The following RRP15 variants were observed in gnomAD, a reference collection of about 807,000 sequenced individuals.
RRP15 encodes the protein ribosomal RNA processing 15 homolog, also known as RRP15-like protein.
RRP15 carries 18 observed loss-of-function variants against 27.1 expected under a neutral mutation model. The ratio of observed to expected loss-of-function variants is 0.66; its 90% CI spans 0.46 to 0.98. RRP15 has a LOEUF of 0.98. RRP15 is among the 50% of genes least tolerant of loss of function. RRP15 has a pLI of 0.00. For missense variants in RRP15, 359 were observed against 337.8 expected (o/e 1.06, Z -0.49); for synonymous variants, 107 against 109.4 (o/e 0.98, Z 0.14).
chr1:218,285,619 T>G (rs112538584), intron 1 of RRP15, among the ~76,000 whole-genome samples, 164 bp downstream of exon 1: 1 of 152,080 alleles, frequency 6.6e-6, no homozygotes, highest in African/African-American at 2.4e-5. Context: ...GGAAGTCGTG[T>G]TCAGAGAAGT....
chr1:218,307,705 A>G lies in RRP15; in HGVS notation c.705+73A>G. ...AACTAGTCTTGAGATGGAAAACCAG[A>G]CTATAGAATTACAGAGTTTTGTGTT... is the stretch of plus-strand genomic sequence containing the variant. On this transcript the variant is annotated intron_variant, in intron 4 of 4. Coordinates refer to ENST00000366932, the MANE Select transcript of RRP15 (RefSeq NM_016052.4). 3.0e-6 allele frequency: 3 copies of G among 991,424 alleles called. No homozygotes were observed. In the South Asian group the frequency reaches 4.5e-5, roughly 15 times the overall value. The allele number at this position is 991,424 out of a possible 1,614,324, so 61.4% of individuals were successfully genotyped here.
chr1:218,329,151 A>G (rs533091086), intron 4 of RRP15, among the ~76,000 whole-genome samples: 41 of 143,960 alleles, frequency 2.8e-4, no homozygotes, highest in Middle Eastern at 7.5e-3. Context: ...CTATAATCCC[A>G]GCACTTTGGG....
chr1:218,288,739 G>C (rs1655589073), intron 1 of RRP15, among the ~76,000 whole-genome samples: 1 of 152,094 alleles, frequency 6.6e-6, no homozygotes, highest in African/African-American at 2.4e-5. Flanking sequence ...AAAGGATTGG[G>C]GACAAGGAGA....
In RRP15 at chr1:218,328,914, T is replaced by C. The variant is rs913840735; in HGVS notation, c.706-2034T>C. On this transcript the variant is annotated intron_variant, in intron 4 of 4. Transcript: ENST00000366932. The stretch of plus-strand genomic sequence containing the variant: ...CTAACATAGAGGCTTCACACTGAGA[T>C]TGTACTTGTTCATATGTAAACTCAA... Among the ~76,000 whole-genome samples the C allele has an allele frequency of 2.6e-5, 4 of 152,124 alleles. No homozygotes were observed. In the East Asian group the frequency reaches 7.7e-4, roughly 29 times the overall value.
At position 218,286,238 on chromosome 1, in the gene RRP15, A is replaced by G. The variant is rs139556599; in HGVS notation, c.139+783A>G. 3.2e-3 allele frequency among the ~76,000 whole-genome samples: 489 copies of G among 152,286 alleles called. 3 individuals carry two copies. The highest frequency in any genetic ancestry group is 0.011 in the African/African-American group (465 of 41,564). ...ATCCAGTGGCTTCTCATCTCAGTAT[A>G]TAATATCCAAAATCCTTAGGCTGTA... On this transcript the variant is annotated intron_variant, in intron 1 of 4. Coordinates refer to ENST00000366932, the MANE Select transcript of RRP15 (RefSeq NM_016052.4).
At chr1:218,330,908 A>G in intron 4 of RRP15, 40 bp from the exon 5 acceptor site, 2 of 1,583,974 alleles carry the variant, frequency 1.3e-6, no homozygotes, top group Non-Finnish European at 1.7e-6. Flanking sequence ...CTTATGATGG[A>G]ATTGACTTTT....
At position 218,290,677 on chromosome 1, in the gene RRP15, C is replaced by G. The variant is rs187652627; in HGVS notation, c.139+5222C>G. 8.1e-4 allele frequency among the ~76,000 whole-genome samples: 124 copies of G among 152,298 alleles called. 1 individual carries two copies. The highest frequency in any genetic ancestry group is 3.4e-3 in the Middle Eastern group (1 of 294). ...AGAGATGAGGTTTTGCCATGTTGCT[C>G]AGACTGGTCTTGAACTCATGAGCTC... On this transcript the variant is annotated intron_variant, in intron 1 of 4. Coordinates refer to ENST00000366932, the MANE Select transcript of RRP15 (RefSeq NM_016052.4).
In RRP15 at chr1:218,331,222, C is replaced by A; in HGVS notation, c.*131C>A. ...AGACTTTTGCCAGATTTCATATTTC[C>A]CCTTTTCATGTACACTTTATATATA... On this transcript the variant is annotated 3_prime_UTR_variant, in exon 5 of 5. Coordinates refer to ENST00000366932, the MANE Select transcript of RRP15 (RefSeq NM_016052.4). The A allele has an allele frequency of 2.7e-6, 2 of 738,220 alleles. No homozygotes were observed. The highest frequency in any genetic ancestry group is 4.2e-6 in the Non-Finnish European group (2 of 472,468). The allele number at this position is 738,220 out of a possible 1,614,324, so 45.7% of individuals were successfully genotyped here.
At chr1:218,289,245 G>A (rs558211110) in intron 1 of RRP15, among the ~76,000 whole-genome samples, 1 of 152,262 alleles carries the variant, frequency 6.6e-6, no homozygotes, top group East Asian at 1.9e-4. Flanking sequence ...CCAGAAAAGA[G>A]GTTTGAATTA....
intron 4 of RRP15, among the ~76,000 whole-genome samples, chr1:218,318,304 T>G (rs1033012458): frequency 1.3e-5 from 2 of 152,216 alleles, no homozygotes; most frequent in Non-Finnish European, 2.9e-5. Flanking sequence ...TTTTTATAAC[T>G]TTTTGAGAAT....
intron 1 of RRP15, among the ~76,000 whole-genome samples, chr1:218,291,879 C>T (rs1414652365): frequency 6.6e-6 from 1 of 151,084 alleles, no homozygotes. Context: ...GGTCTGTTGC[C>T]TAGGCTGGAG....
At chr1:218,317,726 C>T (rs1297454687) in intron 4 of RRP15, among the ~76,000 whole-genome samples, 1 of 119,788 alleles carries the variant, frequency 8.3e-6, no homozygotes, top group African/African-American at 3.2e-5. Context: ...GCCCCACACC[C>T]TTTTTTTTTT....
chr1:218,295,090 A>G (rs925452828), intron 1 of RRP15, among the ~76,000 whole-genome samples: 22 of 152,210 alleles, frequency 1.4e-4, no homozygotes. Flanking sequence ...TCGGTTCTTA[A>G]GCTTGTAGTC....
intron 4 of RRP15, among the ~76,000 whole-genome samples, chr1:218,317,118 A>G (rs142005230): frequency 2.1e-4 from 32 of 152,332 alleles, no homozygotes; most frequent in African/African-American, 7.2e-4. Context: ...ATACTATTTG[A>G]ATGTCATCAT....
intron 4 of RRP15, among the ~76,000 whole-genome samples, chr1:218,324,403 T>G (rs1362221036): frequency 6.6e-6 from 1 of 152,198 alleles, no homozygotes; most frequent in Non-Finnish European, 1.5e-5. Context: ...GCTCCGGGCC[T>G]GGGAGTGGGT....
Position 218,302,739 on chromosome 1 carries a change from T to C in RRP15, c.405+180T>C, listed in dbSNP as rs146643989. On this transcript the variant is annotated intron_variant, in intron 2 of 4. Transcript: ENST00000366932. ...TTAGTCTAAATTATTCCATTGAGCA[T>C]GTTCACTTTTTAATCATCTATGCAA... 1,363 of 943,034 alleles carry C rather than the reference T, an allele frequency of 1.4e-3. 11 individuals are homozygous for C. In the African/African-American group the frequency reaches 0.019, roughly 13 times the overall value. 58.4% of individuals were successfully genotyped at this position (943,034 alleles called of 1,614,324 possible). A position where few individuals can be genotyped will look rare whatever the true frequency, so the allele number is the denominator to read the frequency against.
chr1:218,303,529 C>T (rs375384297), intron 2 of RRP15, among the ~76,000 whole-genome samples: 1 of 152,204 alleles, frequency 6.6e-6, no homozygotes, highest in South Asian at 2.1e-4. Flanking sequence ...GTCTTTAAAT[C>T]TTATGGATAG....
chr1:218,305,199 T>A, intron 3 of RRP15, 74 bp downstream of exon 3: 1 of 1,178,410 alleles, frequency 8.5e-7, no homozygotes, highest in African/African-American at 1.5e-5. Flanking sequence ...TTGACCCAAT[T>A]TGATTCTTAA....
intron 4 of RRP15, among the ~76,000 whole-genome samples, chr1:218,323,585 G>A (rs1379561761): frequency 6.6e-6 from 1 of 152,170 alleles, no homozygotes; most frequent in Non-Finnish European, 1.5e-5. Context: ...TGGCCTGAAG[G>A]TGGGGCCTCA....
Sources: allele counts gnomAD v4.1 joint callset (sites outside exome capture counted in the v4.1 genomes callset), GRCh38; gene constraint gnomAD v4.1.1; transcripts MANE v1.5; gene names NCBI Gene and HGNC (gene_info 2026-07-23, HGNC 2026-07-21).